CNTLN: variants seen among roughly 807,000 people sequenced by gnomAD.
CNTLN encodes the protein centlein, centrosomal protein.
A neutral mutation model predicts 180.0 loss-of-function variants in CNTLN; 212 were observed. The ratio of observed to expected loss-of-function variants is 1.18; its 90% CI spans 1.05 to 1.32. The LOEUF (loss-of-function observed/expected upper bound fraction) is 1.32. CNTLN is among the 40% of genes most tolerant of loss of function. The pLI, the probability that CNTLN is intolerant of heterozygous loss-of-function variation, is 0.00. For missense variants in CNTLN, 2,095 were observed against 1,610.9 expected (o/e 1.30, Z -5.14); for synonymous variants, 722 against 563.1 (o/e 1.28, Z -3.99).
At chr9:17,516,152 T>C in the CNTLN span, among the ~76,000 whole-genome samples, 1 of 152,182 alleles carries the variant, frequency 6.6e-6, no homozygotes, top group Non-Finnish European at 1.5e-5. Flanking sequence ...GACACCTCTT[T>C]AAAGAGGCTT....
chr9:17,461,799 TGTGA>T (rs1223473307), intron 19 of CNTLN, among the ~76,000 whole-genome samples: 11 of 151,756 alleles, frequency 7.2e-5, no homozygotes, highest in African/African-American at 2.2e-4. Flanking sequence ...AATGGATTAA[TGTGA>T]GTATGTCAAC....
chr9:17,221,437 G>A (rs978245608), intron 2 of CNTLN, among the ~76,000 whole-genome samples: 1 of 151,978 alleles, frequency 6.6e-6, no homozygotes, highest in Non-Finnish European at 1.5e-5. Flanking sequence ...GTACATAATG[G>A]ATTGCAATTA....
chr9:17,193,088 C>T (rs1383997895), intron 2 of CNTLN, among the ~76,000 whole-genome samples: 1 of 152,080 alleles, frequency 6.6e-6, no homozygotes, highest in Non-Finnish European at 1.5e-5. Flanking sequence ...GGGGAAACTG[C>T]CCCCATGATT....
At chr9:17,207,962 C>CTCT (rs2131937953) in intron 2 of CNTLN, among the ~76,000 whole-genome samples, 1 of 152,204 alleles carries the variant, frequency 6.6e-6, no homozygotes, top group African/African-American at 2.4e-5. Context: ...TTATTTCATT[C>CTCT]TCTTGTCTGA....
rs375371242 is a variant in CNTLN, at chr9:17,457,596, G to A, written c.3187G>A (p.Glu1063Lys). 1.9e-6 allele frequency: 3 copies of A among 1,564,938 alleles called. No homozygotes were observed. Among genetic ancestry groups the A allele is most frequent in the Non-Finnish European group, 2.6e-6 (3 of 1,153,720 alleles). Residue 1063 changes from glutamate to lysine, a missense_variant, in exon 19 of 26, where the codon GAA becomes AAA. Physicochemically the swap from Glu to Lys is moderately conservative, Grantham distance 56. Coordinates refer to ENST00000380647, the MANE Select transcript of CNTLN (RefSeq NM_017738.4). Reference protein sequence around the residue: ...DLLKKLESSSEITSLAEENSQ... With the variant: ...DLLKKLESSSKITSLAEENSQ... Reference sequence around the variant, plus strand: ...ACTAAAGAAATTGGAGTCCTCATCTGAAATCACAAGTTTGGCAGAAGAAAA... The same window carrying A: ...ACTAAAGAAATTGGAGTCCTCATCTAAAATCACAAGTTTGGCAGAAGAAAA...
Position 17,484,495 on chromosome 9 carries a change from A to G in CNTLN, c.4041+15A>G. 6.4e-7 allele frequency: 1 copy of G among 1,564,632 alleles called. No individual in the cohort carries two copies. The highest frequency in any genetic ancestry group is 8.6e-7 in the Non-Finnish European group (1 of 1,157,632). ...AAGATCAAGTGGTAAGATCATTTAA[A>G]TATTTATTATTAAAGGGTTTATTAT... On this transcript the variant is annotated intron_variant, in intron 24 of 25. Coordinates refer to ENST00000380647, the MANE Select transcript of CNTLN (RefSeq NM_017738.4).
intron 12 of CNTLN, among the ~76,000 whole-genome samples, chr9:17,362,686 T>A (rs914324984): frequency 6.6e-6 from 1 of 152,182 alleles, no homozygotes; most frequent in Non-Finnish European, 1.5e-5. Flanking sequence ...GATCATTGTG[T>A]GATGACTATC....
chr9:17,304,056 T>C (rs571532277), intron 7 of CNTLN, among the ~76,000 whole-genome samples: 2 of 152,276 alleles, frequency 1.3e-5, no homozygotes, highest in South Asian at 4.1e-4. Context: ...TAGATCTGTA[T>C]CATAATATCT....
chr9:17,433,338 G>T (rs1222429583), intron 18 of CNTLN, among the ~76,000 whole-genome samples: 3 of 151,110 alleles, frequency 2.0e-5, no homozygotes, highest in Non-Finnish European at 4.4e-5. Context: ...AAGCTGGAGT[G>T]CAATGGCGCA....
At chr9:17,295,053 A>G (rs1195860515) in intron 6 of CNTLN, among the ~76,000 whole-genome samples, 1 of 151,838 alleles carries the variant, frequency 6.6e-6, no homozygotes, top group Non-Finnish European at 1.5e-5. Flanking sequence ...GACCTGGTGC[A>G]CTGTCCGCGG....
chr9:17,148,587 T>C (rs1371577588), intron 2 of CNTLN, among the ~76,000 whole-genome samples: 3 of 152,260 alleles, frequency 2.0e-5, no homozygotes, highest in Non-Finnish European at 4.4e-5. Flanking sequence ...ACTTCAGCAC[T>C]GTGCTTGATG....
intron 25 of CNTLN, among the ~76,000 whole-genome samples, chr9:17,500,062 G>T (rs1833661226): frequency 6.6e-6 from 1 of 152,176 alleles, no homozygotes; most frequent in South Asian, 2.1e-4. Flanking sequence ...ATAGGTTCCT[G>T]CAAGGGCAGT....
chr9:17,308,014 A>ACACG, intron 7 of CNTLN, among the ~76,000 whole-genome samples: 1 of 148,632 alleles, frequency 6.7e-6, no homozygotes, highest in Admixed American at 6.7e-5. Flanking sequence ...ACACACACAC[A>ACACG]CACATTTTCG....
At chr9:17,210,209 C>T (rs1587157779) in intron 2 of CNTLN, among the ~76,000 whole-genome samples, 1 of 152,096 alleles carries the variant, frequency 6.6e-6, no homozygotes, top group South Asian at 2.1e-4. Flanking sequence ...GCTATTCCTC[C>T]CCGCTCCCCC....
chr9:17,266,325 A>T (rs182064073), intron 5 of CNTLN, among the ~76,000 whole-genome samples: 1 of 152,212 alleles, frequency 6.6e-6, no homozygotes, highest in East Asian at 1.9e-4. Flanking sequence ...CAGGTTGTTG[A>T]GTTTCCATGT....
At chr9:17,353,534 G>A (rs1223402059) in intron 12 of CNTLN, among the ~76,000 whole-genome samples, 1 of 150,346 alleles carries the variant, frequency 6.7e-6, no homozygotes, top group African/African-American at 2.4e-5. Flanking sequence ...ATGTCTGTTC[G>A]TGTCCTTTAC....
intron 13 of CNTLN, among the ~76,000 whole-genome samples, chr9:17,383,742 AT>A (rs1825451609): frequency 6.6e-6 from 1 of 151,442 alleles, no homozygotes; most frequent in African/African-American, 2.4e-5. Flanking sequence ...GGTTCACGCC[AT>A]TCTCCTGTCT....
chr9:17,393,690 A>G (rs576892216), intron 14 of CNTLN, among the ~76,000 whole-genome samples: 1 of 152,316 alleles, frequency 6.6e-6, no homozygotes, highest in African/African-American at 2.4e-5. Flanking sequence ...TATTTTGTAA[A>G]TAGTAAAATG....
rs533074930 is a variant in CNTLN, at chr9:17,472,766, G to A, written c.3855+5875G>A. Among the ~76,000 whole-genome samples the A allele has an allele frequency of 1.3e-5, 2 of 152,058 alleles. 1 individual carries two copies. Among genetic ancestry groups the A allele is most frequent in the Admixed American group, 1.3e-4 (2 of 15,254 alleles). On this transcript the variant is annotated intron_variant, in intron 23 of 25. Coordinates refer to ENST00000380647, the MANE Select transcript of CNTLN (RefSeq NM_017738.4). ...GTTCCCACTAAGAAACACTACCCTTGGCCTTGTCATTACGCATAACTGAAT... is the reference window on the plus strand; with the variant it reads ...GTTCCCACTAAGAAACACTACCCTTAGCCTTGTCATTACGCATAACTGAAT...
Sources: gnomAD v4.1 joint callset for allele counts (sites outside exome capture counted in the v4.1 genomes callset) on GRCh38, gnomAD v4.1.1 for gene constraint, MANE v1.5 for transcripts, NCBI Gene and HGNC (gene_info 2026-07-23, HGNC 2026-07-21) for gene names.